Variants in KCNG3 observed in about 807,000 individuals in gnomAD.
The protein encoded by KCNG3 is voltage-gated potassium channel regulatory subunit KCNG3.
A neutral mutation model predicts 29.0 loss-of-function variants in KCNG3; 15 were observed. That is an observed-to-expected ratio of 0.52 (90% CI 0.35 to 0.80). The LOEUF (loss-of-function observed/expected upper bound fraction) is 0.80. KCNG3 is among the 30% of genes least tolerant of loss of function. KCNG3 has a pLI of 0.01. For synonymous variants in KCNG3, 322 were observed against 248.9 expected, an observed-to-expected ratio of 1.29 and a Z score of -2.76; for missense variants, 512 against 605.7, an observed-to-expected ratio of 0.85 and a Z score of 1.62.
At chr2:42,399,952 T>C in the KCNG3 span, among the ~76,000 whole-genome samples, 2 of 152,138 alleles carry the variant, frequency 1.3e-5, no homozygotes. Context: ...AGTGTTTCTA[T>C]GGACAACATG....
At chr2:42,464,627 T>G (rs796107735) in intron 1 of KCNG3, among the ~76,000 whole-genome samples, 33 of 152,322 alleles carry the variant, frequency 2.2e-4, no homozygotes, top group African/African-American at 7.9e-4. Context: ...CTGCTCCAAC[T>G]AATGGAAAGT....
chr2:42,436,516 C>T, the KCNG3 span, among the ~76,000 whole-genome samples: 1 of 152,218 alleles, frequency 6.6e-6, no homozygotes, highest in Non-Finnish European at 1.5e-5. Context: ...GCCAATAACA[C>T]TGACTGGTCA....
At chr2:42,441,391 A>G (rs1302336191), downstream of KCNG3, among the ~76,000 whole-genome samples, 1 of 152,114 alleles carries the variant, frequency 6.6e-6, no homozygotes, top group Non-Finnish European at 1.5e-5. Context: ...CTATCTCTAG[A>G]AAAAAATAAA....
intron 1 of KCNG3, among the ~76,000 whole-genome samples, chr2:42,468,766 A>G (rs1251840224): frequency 6.6e-6 from 1 of 151,898 alleles, no homozygotes; most frequent in African/African-American, 2.4e-5. Context: ...CAACCTGGCC[A>G]AGATGGTGAA....
chr2:42,453,451 A>G (rs1198572251), intron 1 of KCNG3, among the ~76,000 whole-genome samples: 13 of 152,222 alleles, frequency 8.5e-5, no homozygotes, highest in Non-Finnish European at 1.3e-4. Context: ...GTGATCATCA[A>G]TGAGGCTGAG....
In KCNG3 at chr2:42,444,918, C is replaced by T. The variant is rs917726340; in HGVS notation, c.666-339G>A. 2.0e-5 allele frequency among the ~76,000 whole-genome samples: 3 copies of T among 151,382 alleles called. No homozygotes were observed. Among genetic ancestry groups the T allele is most frequent in the African/African-American group, 7.3e-5 (3 of 41,160 alleles). ...CTCCACAAAAAAAAAATACAAAAAT[C>T]AGCTGGGCTTGGTGACACACACCTG... On this transcript the variant is annotated intron_variant, in intron 1 of 1. Transcript: ENST00000306078. This position sits in a 1 kb window ranked among gnomAD's most constrained non-coding sequence, Gnocchi z 5.8.
the KCNG3 span, among the ~76,000 whole-genome samples, chr2:42,406,022 C>T: frequency 5.9e-5 from 9 of 151,888 alleles, no homozygotes; most frequent in South Asian, 2.1e-4. Flanking sequence ...GGATTACAGG[C>T]GTGAGCCACC....
chr2:42,476,783 C>G (rs1015398529), intron 1 of KCNG3, among the ~76,000 whole-genome samples: 1 of 150,932 alleles, frequency 6.6e-6, no homozygotes, highest in Non-Finnish European at 1.5e-5. Context: ...AGCCACCATG[C>G]CCGGACAAAA....
At chr2:42,489,456 C>G (rs996935293) in intron 1 of KCNG3, among the ~76,000 whole-genome samples, 1 of 152,266 alleles carries the variant, frequency 6.6e-6, no homozygotes, top group South Asian at 2.1e-4. Flanking sequence ...ATTTACCTGC[C>G]TTCTAGGACT....
chr2:42,411,047 T>G, the KCNG3 span, among the ~76,000 whole-genome samples: 1 of 152,238 alleles, frequency 6.6e-6, no homozygotes, highest in African/African-American at 2.4e-5. Flanking sequence ...GAGTAGTCTA[T>G]CCTTTATTCA....
Position 42,467,601 on chromosome 2 carries a change from G to C in KCNG3, c.666-23022C>G, listed in dbSNP as rs192421840. On this transcript the variant is annotated intron_variant, in intron 1 of 1. Transcript: ENST00000306078. ...GAGAATCACTTGAACCCAGGAGGTGGAGGTTGCAGTGAACTGAGATCATGC... is the reference window on the plus strand; with the variant it reads ...GAGAATCACTTGAACCCAGGAGGTGCAGGTTGCAGTGAACTGAGATCATGC... 3.1e-3 allele frequency among the ~76,000 whole-genome samples: 475 copies of C among 151,792 alleles called. 2 individuals are homozygous for C. The highest frequency in any genetic ancestry group is 0.011 in the African/African-American group (455 of 41,348).
the KCNG3 span, among the ~76,000 whole-genome samples, chr2:42,393,219 C>T: frequency 1.4e-5 from 2 of 145,988 alleles, no homozygotes; most frequent in African/African-American, 5.1e-5. Context: ...TATGATAAAA[C>T]AGGAAAACAA....
At chr2:42,466,779 G>C (rs113140075) in intron 1 of KCNG3, among the ~76,000 whole-genome samples, 8,212 of 145,154 alleles carry the variant, frequency 0.057, 256 homozygotes, top group Middle Eastern at 0.11. Flanking sequence ...TTGAGATGGA[G>C]TCTCGCTCTG....
the KCNG3 span, among the ~76,000 whole-genome samples, chr2:42,418,009 T>A: frequency 9.2e-5 from 14 of 151,536 alleles, no homozygotes; most frequent in East Asian, 2.5e-3. Context: ...AATAAATAAA[T>A]AAATAAAATA....
At chr2:42,482,509 G>A (rs570048621) in intron 1 of KCNG3, among the ~76,000 whole-genome samples, 1 of 152,122 alleles carries the variant, frequency 6.6e-6, no homozygotes. Context: ...TGGATCACAA[G>A]GTCAGGAGTT....
chr2:42,482,234 C>T (rs576932883), intron 1 of KCNG3, among the ~76,000 whole-genome samples: 20 of 152,282 alleles, frequency 1.3e-4, no homozygotes, highest in Admixed American at 5.2e-4. Flanking sequence ...TTGAATTTAA[C>T]GAATACATGA....
At chr2:42,466,753 C>CCT (rs1553329191) in intron 1 of KCNG3, among the ~76,000 whole-genome samples, 2,535 of 134,212 alleles carry the variant, frequency 0.019, 58 homozygotes, top group African/African-American at 0.032. Flanking sequence ...AATACTCTTC[C>CCT]TTTTTTTTTT....
chr2:42,443,988 G>C lies in KCNG3; in HGVS notation c.1257C>G (p.Leu419=), dbSNP rs765359662. ...YHSFVQCYHE[L]KFRSARYSRS... is the part of the protein sequence containing the mutation. ...TACTATACCTAGCAGATCTAAACTT[G>C]AGCTCATGATAACACTGCACAAAGC... Residue 419 remains leucine (L), a synonymous_variant, in exon 2 of 2, where the codon CTC becomes CTG. Coordinates refer to ENST00000306078, the MANE Select transcript of KCNG3 (RefSeq NM_133329.6). 8 of 1,613,998 alleles carry C rather than the reference G, an allele frequency of 5.0e-6. No homozygotes were observed. Among genetic ancestry groups the C allele is most frequent in the African/African-American group, 1.3e-5 (1 of 74,918 alleles).
At chr2:42,425,171 C>A in the KCNG3 span, 1 of 151,570 alleles carries the variant, frequency 6.6e-6, no homozygotes, top group Admixed American at 6.6e-5. Flanking sequence ...CACCGGTGGG[C>A]CACTGTCAAC....
Sources: allele counts gnomAD v4.1 joint callset (sites outside exome capture counted in the v4.1 genomes callset), GRCh38; gene constraint gnomAD v4.1.1; non-coding constraint Gnocchi (gnomAD v3.1); transcripts MANE v1.5; gene names NCBI Gene and HGNC (gene_info 2026-07-23, HGNC 2026-07-21).